The following VPS53 variants were observed in gnomAD, a reference collection of about 807,000 sequenced individuals.
VPS53 encodes VPS53 subunit of GARP complex.
A neutral mutation model predicts 107.0 loss-of-function variants in VPS53; 70 were observed. That is an observed-to-expected ratio of 0.65 (90% CI 0.54 to 0.80). The LOEUF (loss-of-function observed/expected upper bound fraction) is 0.80. Ranked by LOEUF, VPS53 falls within the 30% of genes least tolerant of loss-of-function variation. The pLI is 0.00. For missense variants in VPS53, 917 were observed against 1,049.4 expected (o/e 0.87, Z 1.74); for synonymous variants, 409 against 393.3 (o/e 1.04, Z -0.47).
At chr17:628,319 G>A (rs573998163) in intron 8 of VPS53, 88 bp from the exon 9 acceptor site, 26 of 1,490,380 alleles carry the variant, frequency 1.7e-5, no homozygotes, top group South Asian at 8.5e-5. Context: ...TTATCTCTAC[G>A]CATTGTCAGT....
In VPS53 at chr17:519,754, C is replaced by T; in HGVS notation, c.2328+72G>A. The T allele has an allele frequency of 3.5e-6, 4 of 1,152,232 alleles. No homozygotes were observed. The highest frequency in any genetic ancestry group is 5.1e-6 in the Non-Finnish European group (4 of 788,144). The allele number at this position is 1,152,232 out of a possible 1,614,324, so 71.4% of individuals were successfully genotyped here. Reference sequence around the variant, plus strand: ...GAGAAAGCCCCCCCGGAACTTATATCCCAATTCCCGGTTAAGAACCGCTGA... The same window carrying T: ...GAGAAAGCCCCCCCGGAACTTATATTCCAATTCCCGGTTAAGAACCGCTGA... On this transcript the variant is annotated intron_variant, in intron 21 of 21. Transcript: ENST00000437048. The surrounding 1 kb of genome is among the most constrained non-coding windows in gnomAD (Gnocchi z 5.0).
chr17:616,252 G>C (rs1333462476), intron 11 of VPS53: 1 of 152,238 alleles, frequency 6.6e-6, no homozygotes, highest in Admixed American at 6.5e-5. Context: ...GGACGAAGTT[G>C]AATTAAAGAA....
intron 19 of VPS53, among the ~76,000 whole-genome samples, chr17:522,040 G>A (rs2042169460): frequency 6.6e-6 from 1 of 152,136 alleles, no homozygotes; most frequent in Non-Finnish European, 1.5e-5. Context: ...GATCGCTTGA[G>A]CTCAGGAATT....
At chr17:537,803 T>C (rs1910218966) in intron 17 of VPS53, 1 of 152,260 alleles carries the variant, frequency 6.6e-6, no homozygotes, top group Non-Finnish European at 1.5e-5. Flanking sequence ...TCCTCTACTT[T>C]TGAATATATT....
chr17:713,584 G>A (rs999785600), intron 1 of VPS53, among the ~76,000 whole-genome samples: 13 of 151,902 alleles, frequency 8.6e-5, no homozygotes, highest in African/African-American at 3.1e-4. Flanking sequence ...ACCTGGAAGC[G>A]GAGGTTGCAG....
intron 4 of VPS53, among the ~76,000 whole-genome samples, chr17:665,462 A>G (rs1359711929): frequency 1.3e-5 from 2 of 152,196 alleles, no homozygotes; most frequent in African/African-American, 4.8e-5. Flanking sequence ...AGTAACATAA[A>G]ACAGACTAAG....
chr17:613,831 TACTC>T (rs1170331050), intron 11 of VPS53, among the ~76,000 whole-genome samples: 5 of 152,344 alleles, frequency 3.3e-5, no homozygotes, highest in Admixed American at 6.5e-5. Context: ...CCTGTACAGA[TACTC>T]ACAGCAGTAT....
chr17:581,125 C>G (rs1000559168), intron 13 of VPS53, among the ~76,000 whole-genome samples: 2 of 151,940 alleles, frequency 1.3e-5, no homozygotes, highest in Non-Finnish European at 2.9e-5. Flanking sequence ...TCCCTCAGGA[C>G]CTAATGCGTT....
intron 12 of VPS53, among the ~76,000 whole-genome samples, chr17:590,681 T>A (rs1454042203): frequency 6.6e-6 from 1 of 151,558 alleles, no homozygotes; most frequent in Non-Finnish European, 1.5e-5. Context: ...GGATTACATT[T>A]ATTGATTTGC....
At chr17:623,020 G>C (rs1597394684) in intron 11 of VPS53, among the ~76,000 whole-genome samples, 1 of 152,024 alleles carries the variant, frequency 6.6e-6, no homozygotes, top group African/African-American at 2.4e-5. Context: ...TGAAAATTTG[G>C]ACCTGGTCTT....
intron 8 of VPS53, among the ~76,000 whole-genome samples, chr17:630,611 T>C (rs149013855): frequency 3.9e-5 from 6 of 152,330 alleles, no homozygotes; most frequent in East Asian, 1.9e-4. Flanking sequence ...GGGCTTCCTA[T>C]AGAAAGTGAT....
intron 18 of VPS53, 146 bp from the exon 19 acceptor site, chr17:533,057 T>C: frequency 7.9e-6 from 11 of 1,389,420 alleles, no homozygotes; most frequent in Non-Finnish European, 1.1e-5. Context: ...TTATCTTATT[T>C]TTCTTCTGAG....
In VPS53 at chr17:661,841, T is replaced by C; in HGVS notation, c.340A>G (p.Ile114Val). The stretch of plus-strand genomic sequence containing the variant: ...TCTGATTTTTCAGCTTTGTCTTTGA[T>C]ATCTTTGATTTTGCCAAAGAGTTGT... ...IQQLFGKIKD[I>V]KDKAEKSEQM... The change falls in exon 5 of 22, where the codon ATC becomes GTC. Residue 114 changes from isoleucine to valine, a missense_variant. Transcript: ENST00000437048. 1.3e-6 allele frequency: 2 copies of C among 1,552,378 alleles called. No individual in the cohort carries two copies. Among genetic ancestry groups the C allele is most frequent in the African/African-American group, 1.4e-5 (1 of 73,178 alleles).
intron 4 of VPS53, among the ~76,000 whole-genome samples, chr17:690,030 C>T (rs1972725384): frequency 6.6e-6 from 1 of 152,080 alleles, no homozygotes; most frequent in East Asian, 1.9e-4. Context: ...TGGCACTTTG[C>T]GCTGAAGTGA....
chr17:636,459 TA>T (rs1212175603), intron 7 of VPS53, among the ~76,000 whole-genome samples: 1 of 152,244 alleles, frequency 6.6e-6, no homozygotes, highest in Non-Finnish European at 1.5e-5. Context: ...CTATGTTGAA[TA>T]GGAATGGTGA....
intron 12 of VPS53, among the ~76,000 whole-genome samples, chr17:594,282 C>A (rs1024516081): frequency 6.6e-6 from 1 of 152,228 alleles, no homozygotes; most frequent in Non-Finnish European, 1.5e-5. Flanking sequence ...CTAACCTGCA[C>A]ATTGTGCACA....
chr17:611,737 G>A (rs1406148152), intron 11 of VPS53, among the ~76,000 whole-genome samples: 1 of 151,490 alleles, frequency 6.6e-6, no homozygotes, highest in Non-Finnish European at 1.5e-5. Flanking sequence ...CACATAGTGA[G>A]TTCACATAGT....
chr17:640,041 G>A (rs1970360299), intron 7 of VPS53, among the ~76,000 whole-genome samples: 2 of 152,200 alleles, frequency 1.3e-5, no homozygotes, highest in African/African-American at 2.4e-5. Context: ...GCTGTGCTGG[G>A]CTCCATCCAG....
intron 16 of VPS53, 28 bp from the exon 17 acceptor site, chr17:551,978 AC>A: frequency 6.5e-7 from 1 of 1,548,950 alleles, no homozygotes. Flanking sequence ...CACTGTGGTC[AC>A]CCTTTCAAAC....
Sources: allele counts gnomAD v4.1 joint callset (sites outside exome capture counted in the v4.1 genomes callset), GRCh38; gene constraint gnomAD v4.1.1; non-coding constraint Gnocchi (gnomAD v3.1); transcripts MANE v1.5; gene names NCBI Gene and HGNC (gene_info 2026-07-23, HGNC 2026-07-21).